SLC2A13: variants seen among roughly 807,000 people sequenced by gnomAD.
SLC2A13 encodes the protein solute carrier family 2 member 13.
In SLC2A13, 32 loss-of-function variants were observed where a neutral mutation model predicts 64.4. That is an observed-to-expected ratio of 0.50 (90% CI 0.37 to 0.67). SLC2A13 has a LOEUF of 0.67. Among genes scored for constraint, SLC2A13 ranks in the 30% least tolerant of loss-of-function variants. The pLI is 0.00. For missense variants in SLC2A13, 743 were observed against 829.2 expected (o/e 0.90, Z 1.28); for synonymous variants, 338 against 327.1 (o/e 1.03, Z -0.36).
chr12:39,924,764 T>C (rs1945687784), intron 4 of SLC2A13, among the ~76,000 whole-genome samples: 2 of 152,154 alleles, frequency 1.3e-5, no homozygotes, highest in Non-Finnish European at 2.9e-5. Flanking sequence ...GAAAAAAGTT[T>C]GGCAATGTAA....
intron 7 of SLC2A13, among the ~76,000 whole-genome samples, chr12:39,827,876 T>C (rs77431615): frequency 1.3e-5 from 2 of 152,240 alleles, no homozygotes; most frequent in African/African-American, 2.4e-5. Flanking sequence ...CCATTCCACC[T>C]GGTGTCTTTT....
At chr12:39,894,269 G>A (rs751657736) in intron 4 of SLC2A13, among the ~76,000 whole-genome samples, 2 of 152,070 alleles carry the variant, frequency 1.3e-5, no homozygotes, top group Non-Finnish European at 2.9e-5. Flanking sequence ...AGTTTTATTT[G>A]GCTTTATGTT....
At chr12:39,927,116 A>C (rs1393701215) in intron 4 of SLC2A13, among the ~76,000 whole-genome samples, 2 of 152,166 alleles carry the variant, frequency 1.3e-5, no homozygotes, top group Non-Finnish European at 2.9e-5. Flanking sequence ...TAAGTATTTT[A>C]AACAGATAAG....
At chr12:39,924,528 C>T (rs531413282) in intron 4 of SLC2A13, among the ~76,000 whole-genome samples, 10 of 147,346 alleles carry the variant, frequency 6.8e-5, no homozygotes, top group South Asian at 2.2e-4. Flanking sequence ...ACTAGCTTAT[C>T]TAAAATAGAC....
chr12:39,883,567 T>C lies in SLC2A13; in HGVS notation c.1035-11606A>G, dbSNP rs552620686. Among the ~76,000 whole-genome samples the C allele has an allele frequency of 2.0e-5, 3 of 152,098 alleles. No individual in the cohort carries two copies. The South Asian group carries it at 6.2e-4, about 32-fold the overall frequency. On this transcript the variant is annotated intron_variant, in intron 4 of 9. Transcript: ENST00000280871. ...TTCTCAGGAGGCTTAAGAGCCTGAG[T>C]GTGAAAAAAGGGCAGGTCATGGCAT... is the stretch of plus-strand genomic sequence containing the variant.
intron 7 of SLC2A13, among the ~76,000 whole-genome samples, chr12:39,784,565 A>G (rs1434842144): frequency 6.6e-6 from 1 of 152,226 alleles, no homozygotes; most frequent in Non-Finnish European, 1.5e-5. Context: ...ACCTTATACA[A>G]ACATTAATTC....
intron 3 of SLC2A13, among the ~76,000 whole-genome samples, chr12:39,959,510 TAG>T (rs781131221): frequency 6.6e-6 from 1 of 152,244 alleles, no homozygotes; most frequent in Non-Finnish European, 1.5e-5. Context: ...TTTATCAACT[TAG>T]AAGAGGAGAT....
chr12:39,789,698 C>A (rs967776748), intron 7 of SLC2A13, among the ~76,000 whole-genome samples: 9 of 152,142 alleles, frequency 5.9e-5, no homozygotes, highest in Non-Finnish European at 1.0e-4. Context: ...TATACTACAA[C>A]CTAGCCAACA....
At chr12:40,006,124 A>G (rs1269922734) in intron 3 of SLC2A13, among the ~76,000 whole-genome samples, 2 of 152,272 alleles carry the variant, frequency 1.3e-5, no homozygotes, top group African/African-American at 2.4e-5. Flanking sequence ...CAGTCAGCTA[A>G]TACTTAGGCA....
chr12:40,076,485 G>A (rs1938180142), intron 1 of SLC2A13, among the ~76,000 whole-genome samples: 1 of 152,114 alleles, frequency 6.6e-6, no homozygotes, highest in Admixed American at 6.5e-5. Context: ...GAAAGGACAT[G>A]ATCTGATTTT....
At chr12:39,826,854 A>ATTTTTTTTTTTTTTTTTTTTTT (rs63699664) in intron 7 of SLC2A13, among the ~76,000 whole-genome samples, 5 of 67,392 alleles carry the variant, frequency 7.4e-5, no homozygotes, top group Admixed American at 2.3e-4. Context: ...GTCTCTTTCA[A>ATTTTTTTTTTTTTTTTTTTTTT]TTTTTTTTTT....
chr12:39,799,998 T>G (rs1016912637), intron 7 of SLC2A13, among the ~76,000 whole-genome samples: 8 of 152,210 alleles, frequency 5.3e-5, no homozygotes, highest in Non-Finnish European at 1.2e-4. Context: ...TGAAGATTGA[T>G]GTCTACCTTT....
chr12:39,776,687 G>T (rs1940791230), intron 7 of SLC2A13, among the ~76,000 whole-genome samples: 1 of 152,176 alleles, frequency 6.6e-6, no homozygotes, highest in African/African-American at 2.4e-5. Flanking sequence ...CTGCTGAGCA[G>T]TATTCTAGAT....
intron 4 of SLC2A13, among the ~76,000 whole-genome samples, chr12:39,928,458 T>C (rs565153580): frequency 2.0e-5 from 3 of 152,180 alleles, no homozygotes; most frequent in South Asian, 4.2e-4. Flanking sequence ...ATAAAGAAAA[T>C]AGAGCTAAAA....
chr12:40,079,089 T>C (rs1938293181), intron 1 of SLC2A13, among the ~76,000 whole-genome samples: 2 of 152,204 alleles, frequency 1.3e-5, no homozygotes, highest in South Asian at 4.1e-4. Flanking sequence ...TTTGGTTTCA[T>C]CAATCTTTTA....
intron 7 of SLC2A13, among the ~76,000 whole-genome samples, chr12:39,797,742 A>ATACG (rs1555237478): frequency 0.29 from 35,457 of 122,238 alleles, 4,427 homozygotes; most frequent in South Asian, 0.39. Flanking sequence ...ACACACACAC[A>ATACG]CACACACACA....
At chr12:39,852,156 C>G (rs1943486445) in intron 6 of SLC2A13, among the ~76,000 whole-genome samples, 2 of 152,160 alleles carry the variant, frequency 1.3e-5, no homozygotes, top group Non-Finnish European at 2.9e-5. Flanking sequence ...TATAAAATAA[C>G]TAGCATGGTA....
At position 39,820,929 on chromosome 12, in the gene SLC2A13, C is replaced by T. The variant is rs370966464; in HGVS notation, c.1445+9174G>A. Among the ~76,000 whole-genome samples the T allele has an allele frequency of 3.3e-5, 5 of 151,940 alleles. No individual in the cohort carries two copies. The South Asian group carries it at 8.3e-4, about 25-fold the overall frequency. ...ATTTTATCTCCTGAACCTAAAGCCACTCACATTAGCCCCTACTTAAAAACC... is the reference window on the plus strand; with the variant it reads ...ATTTTATCTCCTGAACCTAAAGCCATTCACATTAGCCCCTACTTAAAAACC... On this transcript the variant is annotated intron_variant, in intron 7 of 9. Coordinates refer to ENST00000280871, the MANE Select transcript of SLC2A13 (RefSeq NM_052885.4).
intron 1 of SLC2A13, among the ~76,000 whole-genome samples, chr12:40,080,201 T>C (rs1938341988): frequency 6.6e-6 from 1 of 152,186 alleles, no homozygotes; most frequent in African/African-American, 2.4e-5. Context: ...AAAGTCTATT[T>C]TTTTCTAAAT....
Sources: gnomAD v4.1 joint callset for allele counts (sites outside exome capture counted in the v4.1 genomes callset) on GRCh38, gnomAD v4.1.1 for gene constraint, MANE v1.5 for transcripts, NCBI Gene and HGNC (gene_info 2026-07-23, HGNC 2026-07-21) for gene names.